The following TEK variants were observed in gnomAD, a reference collection of about 807,000 sequenced individuals.
TEK encodes angiopoietin-1 receptor.
In TEK, 43 loss-of-function variants were observed where a neutral mutation model predicts 131.8. The observed-to-expected ratio is 0.33, with a 90% CI of 0.26 to 0.42. The LOEUF (loss-of-function observed/expected upper bound fraction) is 0.42. Ranked by LOEUF, TEK falls within the 10% of genes least tolerant of loss-of-function variation. TEK has a pLI of 1.00. For synonymous variants in TEK, 580 were observed against 491.6 expected, an observed-to-expected ratio of 1.18 and a Z score of -2.38; for missense variants, 1,162 against 1,384.4, an observed-to-expected ratio of 0.84 and a Z score of 2.55.
chr9:27,157,343 G>C (rs1823371970), intron 1 of TEK, among the ~76,000 whole-genome samples: 1 of 152,156 alleles, frequency 6.6e-6, no homozygotes, highest in African/African-American at 2.4e-5. Context: ...CACTTATCTT[G>C]AGGTATTTAA....
chr9:27,180,311 C>T lies in TEK; in HGVS notation c.973C>T (p.Arg325Cys), dbSNP rs755127644. ...CSCNNGEMCD[R>C]FQGCLCSPGW... Reference sequence around the variant, plus strand: ...CTGCAACAATGGGGAGATGTGTGATCGCTTCCAAGGATGTCTCTGCTCTCC... The same window carrying T: ...CTGCAACAATGGGGAGATGTGTGATTGCTTCCAAGGATGTCTCTGCTCTCC... Residue 325 changes from arginine to cysteine, a missense_variant, in exon 7 of 23, where the codon CGC becomes TGC. This residue lies in a region of TEK where 436 missense variants were observed against 539.1 expected (regional missense o/e 0.81). Coordinates refer to ENST00000380036, the MANE Select transcript of TEK (RefSeq NM_000459.5). 1.9e-6 allele frequency: 3 copies of T among 1,613,820 alleles called. No homozygotes were observed. The highest frequency in any genetic ancestry group is 1.7e-6 in the Non-Finnish European group (2 of 1,179,878).
intron 1 of TEK, among the ~76,000 whole-genome samples, chr9:27,116,912 A>G (rs1821584778): frequency 7.4e-6 from 1 of 135,484 alleles, no homozygotes; most frequent in African/African-American, 2.8e-5. Flanking sequence ...CCCAGGCTGG[A>G]GTGCAGTGGT....
intron 1 of TEK, among the ~76,000 whole-genome samples, chr9:27,131,471 C>G (rs1379500699): frequency 1.5e-5 from 2 of 136,114 alleles, no homozygotes; most frequent in East Asian, 4.0e-4. Context: ...AGGACAAGAC[C>G]CTGTCTCAAA....
At chr9:27,210,053 A>G (rs1490422466) in intron 16 of TEK, among the ~76,000 whole-genome samples, 1 of 152,264 alleles carries the variant, frequency 6.6e-6, no homozygotes, top group Non-Finnish European at 1.5e-5. Flanking sequence ...CACCAACAAT[A>G]GAAAAGAGAC....
At chr9:27,145,307 C>G (rs1417610525) in intron 1 of TEK, among the ~76,000 whole-genome samples, 1 of 152,190 alleles carries the variant, frequency 6.6e-6, no homozygotes, top group African/African-American at 2.4e-5. Flanking sequence ...GGAACTCTTC[C>G]TTAGCTCTTG....
chr9:27,159,064 G>A (rs1823448863), intron 2 of TEK, among the ~76,000 whole-genome samples: 2 of 152,200 alleles, frequency 1.3e-5, no homozygotes, highest in South Asian at 4.1e-4. Flanking sequence ...AGTCAGCTGT[G>A]TTGATTAGAT....
chr9:27,140,906 G>C (rs1171167195), intron 1 of TEK, among the ~76,000 whole-genome samples: 1 of 151,990 alleles, frequency 6.6e-6, no homozygotes, highest in African/African-American at 2.4e-5. Context: ...CTTCAATCTT[G>C]AGTTTTACCT....
intron 1 of TEK, among the ~76,000 whole-genome samples, chr9:27,155,834 T>C (rs1048182089): frequency 1.5e-5 from 2 of 135,558 alleles, no homozygotes; most frequent in Non-Finnish European, 3.2e-5. Flanking sequence ...TTTTTTTTTT[T>C]GAGACAGAAT....
intron 3 of TEK, among the ~76,000 whole-genome samples, chr9:27,169,024 G>A (rs530017443): frequency 5.9e-5 from 9 of 152,272 alleles, no homozygotes; most frequent in Admixed American, 2.0e-4. Context: ...CTATGGTTTC[G>A]TACCACCCAG....
chr9:27,168,384 C>T, intron 2 of TEK, 111 bp from the exon 3 acceptor site: 1 of 797,590 alleles, frequency 1.3e-6, no homozygotes, highest in Non-Finnish European at 2.2e-6. Context: ...TTCCAAAAAC[C>T]ATCTGACACC....
chr9:27,179,917 C>A (rs754695677), intron 6 of TEK, among the ~76,000 whole-genome samples: 3 of 152,150 alleles, frequency 2.0e-5, no homozygotes, highest in Non-Finnish European at 4.4e-5. Flanking sequence ...ACACATCATT[C>A]CCATCTTCCA....
intron 1 of TEK, among the ~76,000 whole-genome samples, chr9:27,113,070 A>G (rs1821407089): frequency 6.6e-6 from 1 of 152,248 alleles, no homozygotes; most frequent in African/African-American, 2.4e-5. Context: ...TCCATGAAGC[A>G]CTGAAGACCT....
intron 1 of TEK, among the ~76,000 whole-genome samples, chr9:27,149,864 A>G (rs1259893019): frequency 6.6e-6 from 1 of 152,156 alleles, no homozygotes; most frequent in Non-Finnish European, 1.5e-5. Context: ...CTGGTTCCAA[A>G]GATGCATTTT....
chr9:27,189,444 AT>A (rs1479682285), intron 9 of TEK, among the ~76,000 whole-genome samples: 1 of 152,120 alleles, frequency 6.6e-6, no homozygotes, highest in African/African-American at 2.4e-5. Context: ...AATATCTAAA[AT>A]TTTTGCATCC....
At chr9:27,137,632 A>T (rs892906323) in intron 1 of TEK, among the ~76,000 whole-genome samples, 2 of 152,066 alleles carry the variant, frequency 1.3e-5, no homozygotes, top group Admixed American at 1.3e-4. Flanking sequence ...TTTTAAACTT[A>T]CCTGAAAATT....
chr9:27,193,989 G>A (rs1157407780), intron 11 of TEK, among the ~76,000 whole-genome samples: 1 of 152,040 alleles, frequency 6.6e-6, no homozygotes, highest in Non-Finnish European at 1.5e-5. Context: ...AATTTTTTTT[G>A]TAGAGACGGG....
intron 1 of TEK, among the ~76,000 whole-genome samples, chr9:27,152,567 T>C (rs1239444477): frequency 1.3e-5 from 2 of 151,360 alleles, no homozygotes; most frequent in Non-Finnish European, 2.9e-5. Flanking sequence ...AATTTTTTTC[T>C]TTCAAATAAA....
chr9:27,195,719 G>T, intron 11 of TEK: 1 of 455,986 alleles, frequency 2.2e-6, no homozygotes, highest in Non-Finnish European at 4.4e-6. Context: ...GGAAACCAGT[G>T]TTAATAGAGC....
intron 12 of TEK, among the ~76,000 whole-genome samples, chr9:27,201,128 G>A (rs770044875): frequency 1.5e-4 from 23 of 152,126 alleles, no homozygotes; most frequent in Non-Finnish European, 2.8e-4. Context: ...AGAATCTATT[G>A]TAGAGTCACC....
Sources: gnomAD v4.1 joint callset for allele counts (sites outside exome capture counted in the v4.1 genomes callset) on GRCh38, gnomAD v4.1.1 for gene constraint, gnomAD v4.1.1 regional missense constraint, MANE v1.5 for transcripts, NCBI Gene and HGNC (gene_info 2026-07-23, HGNC 2026-07-21) for gene names.